SLC9A7: variants seen among roughly 807,000 people sequenced by gnomAD.
SLC9A7 encodes the protein sodium/hydrogen exchanger 7.
A neutral mutation model predicts 52.6 loss-of-function variants in SLC9A7; 19 were observed. The ratio of observed to expected loss-of-function variants is 0.36; its 90% CI spans 0.25 to 0.53. The LOEUF is 0.53. Ranked by LOEUF, SLC9A7 falls within the 20% of genes least tolerant of loss-of-function variation. The pLI is 0.91. For missense variants in SLC9A7, 455 were observed against 597.9 expected (o/e 0.76, Z 2.49); for synonymous variants, 226 against 252.1 (o/e 0.90, Z 0.98).
intron 14 of SLC9A7, among the ~76,000 whole-genome samples, chrX:46,629,217 G>A (rs1231814995): frequency 9.0e-6 from 1 of 111,534 alleles, no homozygotes; most frequent in Non-Finnish European, 1.9e-5. Flanking sequence ...CTGCCAGCCC[G>A]TTCACAACAC....
intron 1 of SLC9A7, among the ~76,000 whole-genome samples, chrX:46,700,441 G>A (rs746032632): frequency 8.9e-6 from 1 of 112,462 alleles, no homozygotes; most frequent in East Asian, 2.8e-4. Flanking sequence ...TCACTCTTTA[G>A]AGACCCAGGT....
chrX:46,665,566 A>AAAAAAAAAGAAAAG (rs1943905907), intron 5 of SLC9A7, among the ~76,000 whole-genome samples: 1 of 109,199 alleles, frequency 9.2e-6, no homozygotes, highest in African/African-American at 3.3e-5. Flanking sequence ...TCAAAAAAAA[A>AAAAAAAAAGAAAAG]AAAAAAAAAA....
intron 16 of SLC9A7, among the ~76,000 whole-genome samples, chrX:46,609,059 T>C (rs1281105744): frequency 1.1e-5 from 1 of 94,992 alleles, no homozygotes; most frequent in East Asian, 3.9e-4. Context: ...TTTGTTCATC[T>C]CTGTCAAAAT....
chrX:46,757,416 C>G (rs1922751380), intron 1 of SLC9A7, among the ~76,000 whole-genome samples: 2 of 112,605 alleles, frequency 1.8e-5, no homozygotes, highest in Non-Finnish European at 3.7e-5. Context: ...GCGCTTGCCC[C>G]TTACACGGTT....
intron 3 of SLC9A7, among the ~76,000 whole-genome samples, chrX:46,673,884 ACAGG>A (rs1295604718): frequency 2.7e-5 from 3 of 112,487 alleles, no homozygotes; most frequent in African/African-American, 9.7e-5. Flanking sequence ...TGCCATGCTG[ACAGG>A]CACCGAATGA....
chrX:46,680,054 T>C (rs1304135497), intron 2 of SLC9A7, among the ~76,000 whole-genome samples: 1 of 111,780 alleles, frequency 8.9e-6, no homozygotes, highest in Non-Finnish European at 1.9e-5. Flanking sequence ...CCAGTGTTTT[T>C]CATAAAAACA....
intron 7 of SLC9A7, among the ~76,000 whole-genome samples, chrX:46,661,236 G>C (rs1162750823): frequency 9.1e-6 from 1 of 109,377 alleles, no homozygotes; most frequent in Non-Finnish European, 1.9e-5. Context: ...GTGGGGGAAG[G>C]GGGGAGGGAT....
At chrX:46,656,354 G>A (rs1435318988) in intron 7 of SLC9A7, among the ~76,000 whole-genome samples, 1 of 112,958 alleles carries the variant, frequency 8.9e-6, no homozygotes, top group Admixed American at 9.4e-5. Context: ...CACCAGCAAT[G>A]GAACAAAGCT....
intron 1 of SLC9A7, among the ~76,000 whole-genome samples, chrX:46,744,526 G>A (rs753819288): frequency 8.9e-6 from 1 of 112,154 alleles, no homozygotes; most frequent in East Asian, 2.8e-4. Context: ...ATATGAAGAA[G>A]TAAAAGGAGA....
chrX:46,738,318 T>G (rs1354116189), intron 1 of SLC9A7, among the ~76,000 whole-genome samples: 1 of 112,220 alleles, frequency 8.9e-6, no homozygotes, highest in Non-Finnish European at 1.9e-5. Flanking sequence ...ACATCATCCC[T>G]TGACCTTGTG....
intron 1 of SLC9A7, among the ~76,000 whole-genome samples, chrX:46,735,909 G>A (rs979317446): frequency 3.6e-5 from 4 of 110,483 alleles, no homozygotes; most frequent in South Asian, 3.8e-4. Context: ...CCCTCTCCCC[G>A]CACCCAGACA....
chrX:46,711,749 G>T (rs753664192), intron 1 of SLC9A7, among the ~76,000 whole-genome samples: 3 of 109,611 alleles, frequency 2.7e-5, no homozygotes, highest in Non-Finnish European at 5.7e-5. Flanking sequence ...TGAAGTGGTG[G>T]CTCCCTACTC....
chrX:46,639,421 A>G (rs933778513), intron 12 of SLC9A7, among the ~76,000 whole-genome samples: 2 of 109,171 alleles, frequency 1.8e-5, no homozygotes, highest in African/African-American at 6.7e-5. Context: ...AGCTGGGACT[A>G]CAGGCACCTG....
In SLC9A7 at chrX:46,599,910, TA is replaced by T. The variant is rs1942634640; in HGVS notation, c.*7041del. 8.9e-6 allele frequency: 1 copy of T among 112,406 alleles called. No homozygotes were observed. Among genetic ancestry groups the T allele is most frequent in the African/African-American group, 3.2e-5 (1 of 30,937 alleles). 9.3% of individuals were successfully genotyped at this position (112,406 alleles called of 1,213,427 possible). On this transcript the variant is annotated 3_prime_UTR_variant, in exon 17 of 17. Coordinates refer to ENST00000616978, the MANE Select transcript of SLC9A7 (RefSeq NM_001257291.2). ...ATGTTAAATTCGTCCTATTCTATTT[TA>T]AAAGTTGCTTTTCAGCTATTAAATG...
intron 1 of SLC9A7, among the ~76,000 whole-genome samples, chrX:46,745,359 G>A (rs755840032): frequency 1.3e-4 from 14 of 111,764 alleles, no homozygotes; most frequent in Non-Finnish European, 2.6e-4. Flanking sequence ...CACTCATAGC[G>A]GACAAGCAGC....
At chrX:46,659,605 A>G (rs1229029206) in intron 7 of SLC9A7, among the ~76,000 whole-genome samples, 3 of 44,155 alleles carry the variant, frequency 6.8e-5, no homozygotes, top group Non-Finnish European at 1.1e-4. Flanking sequence ...CCAAATCATG[A>G]GTGAACTCCC....
rs1293595980 is a variant in SLC9A7 at position 46,616,339 on chromosome X, CA to C, written c.1824-2946del. 1.5e-4 allele frequency among the ~76,000 whole-genome samples: 15 copies of C among 98,512 alleles called. No homozygotes were observed. In the East Asian group the frequency reaches 4.0e-3, roughly 26 times the overall value. The allele number at this position is 98,512 out of a possible 115,157, so 85.5% of individuals were successfully genotyped here. A position where few individuals can be genotyped will look rare whatever the true frequency, so the allele number is the denominator to read the frequency against. On this transcript the variant is annotated intron_variant, in intron 15 of 16. Transcript: ENST00000616978. ...CAAAAAAAAAAAAAACCCACCCCCC[CA>C]AAAAAAAACAAAACAAAAACAAAAA... is the stretch of plus-strand genomic sequence containing the variant.
intron 14 of SLC9A7, among the ~76,000 whole-genome samples, chrX:46,624,171 T>C (rs1943087044): frequency 1.8e-5 from 2 of 112,198 alleles, no homozygotes; most frequent in East Asian, 2.8e-4. Context: ...AAACTGGTAA[T>C]GGTAAAAGTT....
intron 14 of SLC9A7, among the ~76,000 whole-genome samples, chrX:46,630,764 C>T (rs1255719624): frequency 8.9e-6 from 1 of 112,255 alleles, no homozygotes; most frequent in Non-Finnish European, 1.9e-5. Flanking sequence ...TGGGTCTGGG[C>T]TGGTCTTAGG....
Sources: allele counts gnomAD v4.1 joint callset (sites outside exome capture counted in the v4.1 genomes callset), GRCh38; gene constraint gnomAD v4.1.1; transcripts MANE v1.5; gene names NCBI Gene and HGNC (gene_info 2026-07-23, HGNC 2026-07-21).